CEP112: variants seen among roughly 807,000 people sequenced by gnomAD.
CEP112 encodes the protein centrosomal protein 112.
In CEP112, 127 loss-of-function variants were observed where a neutral mutation model predicts 153.0. The observed-to-expected ratio is 0.83, with a 90% confidence interval of 0.72 to 0.96. The LOEUF (loss-of-function observed/expected upper bound fraction) is 0.96, where lower values mean the gene tolerates loss of function less well. Ranked by LOEUF, CEP112 falls within the 40% of genes least tolerant of loss-of-function variation. The pLI, the probability that CEP112 is intolerant of heterozygous loss-of-function variation, is 0.00. For synonymous variants in CEP112, 358 were observed against 374.4 expected (o/e 0.96, Z 0.51); for missense variants, 1,089 against 1,101.2 (o/e 0.99, Z 0.16).
At chr17:66,119,246 T>G (rs2069457433) in intron 6 of CEP112, among the ~76,000 whole-genome samples, 1 of 152,180 alleles carries the variant, frequency 6.6e-6, no homozygotes, top group South Asian at 2.1e-4. Context: ...TAATGCACGC[T>G]GGGCTTAAGT....
rs1414281597 is a variant in CEP112, at chr17:66,029,172, T to C, written c.1454A>G (p.Asp485Gly). ...TTGTTTTAGAAGGTTTATATCAGCA[T>C]CATATTTGGTTTGTAACAGTTTCAT... ...QNMKLLQTKY[D>G]ADINLLKQEH... Residue 485 changes from aspartate to glycine, a missense_variant, in exon 14 of 27, where the codon GAT becomes GGT. By Grantham distance (94) the Asp-to-Gly change is moderately conservative. Transcript: ENST00000535342. The C allele has an allele frequency of 2.5e-6, 4 of 1,609,574 alleles. No individual in the cohort carries two copies. The Admixed American group carries it at 6.7e-5, about 27-fold the overall frequency.
At chr17:65,983,804 A>C (rs2063310118) in intron 17 of CEP112, among the ~76,000 whole-genome samples, 1 of 152,214 alleles carries the variant, frequency 6.6e-6, no homozygotes. Context: ...GAAATAAAGG[A>C]ATCAGAGAAA....
intron 8 of CEP112, among the ~76,000 whole-genome samples, chr17:66,073,793 T>A (rs967529074): frequency 6.6e-6 from 1 of 152,108 alleles, no homozygotes. Context: ...AACTTAAAGG[T>A]GATTAACTAG....
intron 4 of CEP112, among the ~76,000 whole-genome samples, chr17:66,159,290 A>T (rs1281794818): frequency 1.3e-5 from 2 of 152,218 alleles, no homozygotes; most frequent in Admixed American, 1.3e-4. Context: ...AGCTGTTACC[A>T]TTCCTTCTGA....
intron 17 of CEP112, among the ~76,000 whole-genome samples, chr17:66,004,423 G>A (rs1037841202): frequency 5.9e-5 from 9 of 152,090 alleles, no homozygotes; most frequent in Non-Finnish European, 8.8e-5. Flanking sequence ...CCCAAGAGGC[G>A]GAGGGTGCAG....
At chr17:65,749,072 G>T (rs2051647185) in intron 22 of CEP112, among the ~76,000 whole-genome samples, 1 of 152,094 alleles carries the variant, frequency 6.6e-6, no homozygotes, top group African/African-American at 2.4e-5. Context: ...GGATTAAAAG[G>T]ATATTTCTCC....
rs184519713 is a variant in CEP112 at position 65,749,442 on chromosome 17, A to T, written c.2457+1220T>A. On this transcript the variant is annotated intron_variant, in intron 22 of 26. Coordinates refer to ENST00000535342, the MANE Select transcript of CEP112 (RefSeq NM_001199165.4). ...AGAATGGCGTGAATCAGGGAGGTGG[A>T]GCTTGCAGTGAGCCGAGATTGCACC... is the stretch of plus-strand genomic sequence containing the variant. 3.9e-5 allele frequency among the ~76,000 whole-genome samples: 6 copies of T among 152,178 alleles called. No homozygotes were observed. The East Asian group carries it at 1.2e-3, about 29-fold the overall frequency.
chr17:65,988,409 C>T (rs995013082), intron 17 of CEP112, among the ~76,000 whole-genome samples: 5 of 152,152 alleles, frequency 3.3e-5, no homozygotes, highest in African/African-American at 1.2e-4. Context: ...GAACCATGAA[C>T]TCCTCAAAGA....
Position 66,175,232 on chromosome 17 carries a change from T to C in CEP112, c.298-16A>G, listed in dbSNP as rs1304075753. 6.6e-7 allele frequency: 1 copy of C among 1,507,764 alleles called. No individual in the cohort carries two copies. The highest frequency in any genetic ancestry group is 8.9e-7 in the Non-Finnish European group (1 of 1,128,946). 93.4% of individuals were successfully genotyped at this position (1,507,764 alleles called of 1,614,324 possible). A position where few individuals can be genotyped will look rare whatever the true frequency, so the allele number is the denominator to read the frequency against. On this transcript the variant is annotated splice_polypyrimidine_tract_variant and intron_variant, in intron 3 of 26. Coordinates refer to ENST00000535342, the MANE Select transcript of CEP112 (RefSeq NM_001199165.4). ...AATAGATGGACTGATTTTTTAAAAT[T>C]AGAAAAATTATTCTTTCAAAATGTA...
At chr17:65,990,049 A>G (rs1039578062) in intron 17 of CEP112, among the ~76,000 whole-genome samples, 17 of 152,226 alleles carry the variant, frequency 1.1e-4, no homozygotes, top group African/African-American at 3.6e-4. Context: ...ATAAAAAGCA[A>G]TTAATTAAAA....
chr17:66,112,607 A>G (rs867570461), intron 6 of CEP112, among the ~76,000 whole-genome samples: 11 of 152,210 alleles, frequency 7.2e-5, no homozygotes, highest in Admixed American at 3.9e-4. Context: ...AATACAATCT[A>G]CCTCAACATG....
At chr17:65,706,838 G>A (rs890957503) in intron 23 of CEP112, among the ~76,000 whole-genome samples, 7 of 152,000 alleles carry the variant, frequency 4.6e-5, no homozygotes, top group Non-Finnish European at 8.8e-5. Flanking sequence ...AGATCTCTTC[G>A]TTCCAATTCA....
chr17:65,808,330 G>A (rs2055737073), intron 21 of CEP112, among the ~76,000 whole-genome samples: 1 of 152,132 alleles, frequency 6.6e-6, no homozygotes, highest in Admixed American at 6.6e-5. Context: ...GAAGGGACTT[G>A]TCTTAGCTCA....
intron 11 of CEP112, among the ~76,000 whole-genome samples, chr17:66,059,526 G>A (rs2066838902): frequency 6.6e-6 from 1 of 152,042 alleles, no homozygotes; most frequent in Admixed American, 6.6e-5. Flanking sequence ...ACATACAAGT[G>A]GCCAACAAAC....
chr17:66,070,132 T>C, intron 8 of CEP112, 131 bp from the exon 9 acceptor site: 2 of 604,024 alleles, frequency 3.3e-6, no homozygotes, highest in Non-Finnish European at 5.9e-6. Context: ...AGTCACAGAT[T>C]CTAGCAATCA....
intron 4 of CEP112, among the ~76,000 whole-genome samples, chr17:66,170,668 C>G (rs2072207127): frequency 6.6e-6 from 1 of 151,942 alleles, no homozygotes; most frequent in Admixed American, 6.6e-5. Flanking sequence ...GAGGCTGAGG[C>G]AGAAGAATCG....
intron 23 of CEP112, among the ~76,000 whole-genome samples, chr17:65,698,160 T>C (rs1186207176): frequency 6.6e-6 from 1 of 152,224 alleles, no homozygotes; most frequent in African/African-American, 2.4e-5. Context: ...CCAATACATA[T>C]GTTACTCTTC....
chr17:65,870,725 C>T (rs994669448), intron 20 of CEP112, among the ~76,000 whole-genome samples: 1 of 152,170 alleles, frequency 6.6e-6, no homozygotes, highest in Non-Finnish European at 1.5e-5. Context: ...AGAAGGACTA[C>T]GTGTCAGGAA....
chr17:66,040,192 A>C (rs1316820697), intron 12 of CEP112, among the ~76,000 whole-genome samples: 1 of 152,178 alleles, frequency 6.6e-6, no homozygotes, highest in Non-Finnish European at 1.5e-5. Context: ...ACTTCAGACT[A>C]TTCTGTATCT....
Sources: allele counts gnomAD v4.1 joint callset (sites outside exome capture counted in the v4.1 genomes callset), GRCh38; gene constraint gnomAD v4.1.1; transcripts MANE v1.5; gene names NCBI Gene and HGNC (gene_info 2026-07-23, HGNC 2026-07-21).